Variants in GC observed in about 807,000 individuals in gnomAD.
GC encodes GC vitamin D binding protein.
A neutral mutation model predicts 56.7 loss-of-function variants in GC; 43 were observed. The observed-to-expected ratio is 0.76, with a 90% confidence interval of 0.59 to 0.98. The LOEUF (loss-of-function observed/expected upper bound fraction) is 0.98. GC is among the 50% of genes least tolerant of loss of function. The probability of loss-of-function intolerance (pLI) is 0.00; values close to 1 mark genes in which losing one functional copy is unlikely to be tolerated. For missense variants in GC, 529 were observed against 545.9 expected (o/e 0.97, Z 0.31); for synonymous variants, 216 against 202.7 (o/e 1.07, Z -0.56).
At position 71,752,593 on chromosome 4, in the gene GC, C is replaced by A. The variant is rs754506044; in HGVS notation, c.1320G>T (p.Lys440Asn). ...LPDATPTELA[K>N]LVNKHSDFAS... ...CAAAGTCTGAGTGCTTGTTAACCAGCTTTGCCAGTTCCGTGGGTGTGGCAT... is the reference window on the plus strand; with the variant it reads ...CAAAGTCTGAGTGCTTGTTAACCAGATTTGCCAGTTCCGTGGGTGTGGCAT... Residue 440 changes from lysine (K) to asparagine (N), a missense_variant, in exon 11 of 13, where the codon AAG becomes AAT. By Grantham distance (94) the Lys-to-Asn change is moderately conservative. Coordinates refer to ENST00000273951, the MANE Select transcript of GC (RefSeq NM_000583.4). The A allele has an allele frequency of 6.2e-7, 1 of 1,613,472 alleles. No homozygotes were observed. Among genetic ancestry groups the A allele is most frequent in the Non-Finnish European group, 8.5e-7 (1 of 1,179,432 alleles).
chr4:71,783,882 T>C, intron 1 of GC, 79 bp downstream of exon 1: 1 of 1,099,940 alleles, frequency 9.1e-7, no homozygotes, highest in African/African-American at 1.6e-5. Flanking sequence ...TTCTTACTTT[T>C]TATTTCATTT....
intron 11 of GC, among the ~76,000 whole-genome samples, chr4:71,748,203 T>G (rs1280856709): frequency 6.6e-6 from 1 of 152,192 alleles, no homozygotes; most frequent in African/African-American, 2.4e-5. Context: ...TATTAATATT[T>G]CTGCTTAACA....
chr4:71,775,140 A>G (rs1742468794), intron 1 of GC, among the ~76,000 whole-genome samples: 1 of 151,578 alleles, frequency 6.6e-6, no homozygotes, highest in Admixed American at 6.6e-5. Flanking sequence ...TAGTAGTGAC[A>G]GAGACTTGAA....
chr4:71,761,820 G>A (rs1162579575), intron 6 of GC, among the ~76,000 whole-genome samples: 1 of 152,204 alleles, frequency 6.6e-6, no homozygotes, highest in Admixed American at 6.5e-5. Flanking sequence ...ATGCACAGAA[G>A]TCAAGAATTG....
intron 3 of GC, among the ~76,000 whole-genome samples, chr4:71,766,469 T>G (rs1742162982): frequency 6.6e-6 from 1 of 152,160 alleles, no homozygotes; most frequent in African/African-American, 2.4e-5. Context: ...TATTTGAAAT[T>G]AAAATCTAAA....
intron 5 of GC, 51 bp downstream of exon 5, chr4:71,763,753 T>C: frequency 6.9e-7 from 1 of 1,455,596 alleles, no homozygotes; most frequent in Non-Finnish European, 9.4e-7. Context: ...CTAAAAGGAA[T>C]GCTATTAGAA....
chr4:71,759,270 T>C (rs1298072873), intron 6 of GC, among the ~76,000 whole-genome samples: 1 of 152,172 alleles, frequency 6.6e-6, no homozygotes, highest in Non-Finnish European at 1.5e-5. Context: ...CTCTTTGAGA[T>C]CCCACTTTGA....
chr4:71,782,135 G>A (rs1181766677), intron 1 of GC, among the ~76,000 whole-genome samples: 1 of 151,646 alleles, frequency 6.6e-6, no homozygotes, highest in Admixed American at 6.6e-5. Flanking sequence ...AGTCTTGAGT[G>A]TAATATATTT....
intron 12 of GC, among the ~76,000 whole-genome samples, chr4:71,742,806 C>G (rs1741226493): frequency 6.6e-6 from 1 of 152,176 alleles, no homozygotes; most frequent in South Asian, 2.1e-4. Flanking sequence ...AACCCCGTCT[C>G]TACTAAAAAT....
chr4:71,743,199 G>A (rs1037552075), intron 12 of GC, among the ~76,000 whole-genome samples: 9 of 152,074 alleles, frequency 5.9e-5, no homozygotes, highest in African/African-American at 1.2e-4. Context: ...ACTAGGGATC[G>A]GAATACCTTG....
At chr4:71,755,743 G>GT (rs1741747607) in intron 8 of GC, among the ~76,000 whole-genome samples, 1 of 152,156 alleles carries the variant, frequency 6.6e-6, no homozygotes, top group African/African-American at 2.4e-5. Context: ...AATTGACTCT[G>GT]TATAAAGCAT....
upstream of GC, among the ~76,000 whole-genome samples, chr4:71,804,815 T>C (rs993442847): frequency 1.6e-4 from 24 of 151,528 alleles, no homozygotes; most frequent in African/African-American, 4.4e-4. Flanking sequence ...CCCATAACTG[T>C]TGTGTATCCC....
chr4:71,792,659 A>T (rs1241755042), intron 1 of GC, among the ~76,000 whole-genome samples: 1 of 151,878 alleles, frequency 6.6e-6, no homozygotes, highest in Admixed American at 6.6e-5. Context: ...AAGCTCTTTA[A>T]TTTAATTGGA....
intron 1 of GC, among the ~76,000 whole-genome samples, chr4:71,802,399 GC>G (rs780080109): frequency 6.6e-6 from 1 of 152,072 alleles, no homozygotes. Flanking sequence ...ATTAGGTTAG[GC>G]CCATACAATC....
chr4:71,764,867 C>T (rs115005407), intron 4 of GC, among the ~76,000 whole-genome samples: 3,983 of 152,086 alleles, frequency 0.026, 168 homozygotes, highest in African/African-American at 0.091. Flanking sequence ...ATTTTTGTGA[C>T]CTTCCAAGAC....
chr4:71,755,029 G>A lies in GC; in HGVS notation c.1113C>T (p.Ser371=). 1.9e-6 allele frequency: 3 copies of A among 1,598,530 alleles called. No individual in the cohort carries two copies. In the South Asian group the frequency reaches 3.4e-5, roughly 18 times the overall value. ...LSKVLEPTLK[S]LGECCDVEDS... ...CTTCAACATCACAGCATTCACCAAG[G>A]CTTTTTAGGGTTGGCTCAAGTACCT... The change falls in exon 9 of 13, where the codon AGC becomes AGT. Residue 371 remains serine (S), a synonymous_variant. Coordinates refer to ENST00000273951, the MANE Select transcript of GC (RefSeq NM_000583.4).
intron 1 of GC, among the ~76,000 whole-genome samples, chr4:71,789,209 C>A (rs1183541150): frequency 6.6e-6 from 1 of 151,594 alleles, no homozygotes; most frequent in African/African-American, 2.4e-5. Flanking sequence ...AGAAAATAAG[C>A]CAATATATCC....
At chr4:71,786,321 A>C (rs1359444306), upstream of GC, among the ~76,000 whole-genome samples, 2 of 151,942 alleles carry the variant, frequency 1.3e-5, no homozygotes, top group East Asian at 3.9e-4. Context: ...AAAACTGGGA[A>C]GAAATAATCA....
chr4:71,772,532 C>G (rs772227719), intron 1 of GC, among the ~76,000 whole-genome samples: 1 of 152,138 alleles, frequency 6.6e-6, no homozygotes, highest in Non-Finnish European at 1.5e-5. Flanking sequence ...CTGGGCACTG[C>G]ATGTTATCCC....
Sources: allele counts gnomAD v4.1 joint callset (sites outside exome capture counted in the v4.1 genomes callset), GRCh38; gene constraint gnomAD v4.1.1; transcripts MANE v1.5; gene names NCBI Gene and HGNC (gene_info 2026-07-23, HGNC 2026-07-21).